The following PRKCZ variants were observed in gnomAD, a reference collection of about 807,000 sequenced individuals.
PRKCZ encodes the protein protein kinase C zeta type.
A neutral mutation model predicts 79.5 loss-of-function variants in PRKCZ; 33 were observed. That is an observed-to-expected ratio of 0.41 (90% CI 0.31 to 0.55). The LOEUF (loss-of-function observed/expected upper bound fraction) is 0.55. PRKCZ is among the 20% of genes least tolerant of loss of function. The pLI, the probability that PRKCZ is intolerant of heterozygous loss-of-function variation, is 0.19. For missense variants in PRKCZ, 578 were observed against 813.5 expected, an observed-to-expected ratio of 0.71 and a Z score of 3.52; for synonymous variants, 342 against 320.9, an observed-to-expected ratio of 1.07 and a Z score of -0.70.
chr1:2,112,662 G>A (rs574337969), intron 4 of PRKCZ, among the ~76,000 whole-genome samples: 3 of 123,792 alleles, frequency 2.4e-5, no homozygotes, highest in Admixed American at 8.2e-5. Context: ...TTGCAGTTCC[G>A]TTTTTTTGTT....
At chr1:2,088,069 G>A (rs920030909) in intron 4 of PRKCZ, among the ~76,000 whole-genome samples, 6 of 152,214 alleles carry the variant, frequency 3.9e-5, no homozygotes, top group African/African-American at 1.4e-4. Flanking sequence ...TCTGCTGTGT[G>A]GGTGGGGGCC....
Position 2,184,921 on chromosome 1 carries a change from G to C in PRKCZ, c.1692-1G>C. On this transcript the variant is annotated splice_acceptor_variant, in intron 17 of 17. Transcript: ENST00000378567. LOFTEE classifies it high-confidence loss of function. ...CTCCCCCCTGCCACCTTTGCCCACA[G>C]GGATGCCATAAAGAGGATCGACCAG... 6.2e-7 allele frequency: 1 copy of C among 1,613,550 alleles called. No homozygotes were observed. Among genetic ancestry groups the C allele is most frequent in the Non-Finnish European group, 8.5e-7 (1 of 1,179,748 alleles).
At chr1:2,065,543 G>A (rs936015624) in intron 4 of PRKCZ, among the ~76,000 whole-genome samples, 1 of 152,152 alleles carries the variant, frequency 6.6e-6, no homozygotes, top group African/African-American at 2.4e-5. Flanking sequence ...TCCGGGCGTG[G>A]TTGCAGGCGC....
chr1:2,164,951 G>A (rs1357419269), intron 10 of PRKCZ, among the ~76,000 whole-genome samples: 2 of 152,154 alleles, frequency 1.3e-5, no homozygotes, highest in Non-Finnish European at 2.9e-5. Flanking sequence ...GCTCCAGGAA[G>A]GTGAGGGGCT....
At chr1:2,103,907 C>G (rs1571395096) in intron 4 of PRKCZ, among the ~76,000 whole-genome samples, 1 of 152,214 alleles carries the variant, frequency 6.6e-6, no homozygotes, top group Non-Finnish European at 1.5e-5. Flanking sequence ...TTAAACACCT[C>G]CTGGCCTGGA....
chr1:2,085,326 C>T (rs1664299139), intron 4 of PRKCZ, among the ~76,000 whole-genome samples: 2 of 152,254 alleles, frequency 1.3e-5, no homozygotes, highest in South Asian at 4.1e-4. Flanking sequence ...GGCCCCGAGC[C>T]AGCAGCTTTG....
intron 4 of PRKCZ, among the ~76,000 whole-genome samples, chr1:2,106,349 C>T (rs1434381794): frequency 6.6e-6 from 1 of 152,264 alleles, no homozygotes; most frequent in African/African-American, 2.4e-5. Flanking sequence ...TCGTGCACAC[C>T]CTGCCTGGCT....
intron 4 of PRKCZ, among the ~76,000 whole-genome samples, chr1:2,121,790 G>A (rs1365628713): frequency 1.4e-5 from 1 of 72,352 alleles, no homozygotes; most frequent in African/African-American, 7.5e-5. Context: ...TGGTGGTTAG[G>A]GTCACGGCGG....
intron 15 of PRKCZ, 99 bp from the exon 16 acceptor site, chr1:2,175,125 G>A: frequency 9.7e-7 from 1 of 1,029,326 alleles, no homozygotes; most frequent in Non-Finnish European, 1.5e-6. Context: ...AGAGCATCGG[G>A]GGAGGGCTTG....
At chr1:2,085,568 C>G (rs1664346287) in intron 4 of PRKCZ, among the ~76,000 whole-genome samples, 1 of 152,254 alleles carries the variant, frequency 6.6e-6, no homozygotes, top group Non-Finnish European at 1.5e-5. Flanking sequence ...CCATGCAGCG[C>G]CACGCTGGAG....
intron 4 of PRKCZ, among the ~76,000 whole-genome samples, chr1:2,126,148 C>A (rs994514657): frequency 6.6e-6 from 1 of 152,236 alleles, no homozygotes; most frequent in Non-Finnish European, 1.5e-5. Flanking sequence ...TCTCCTCCCC[C>A]CGCCTGCACC....
chr1:2,087,002 C>T (rs943982603), intron 4 of PRKCZ, among the ~76,000 whole-genome samples: 1 of 152,140 alleles, frequency 6.6e-6, no homozygotes, highest in Non-Finnish European at 1.5e-5. Flanking sequence ...TGTTGTCTTT[C>T]GTGGGGTTAT....
chr1:2,112,666 T>TTTTG lies in PRKCZ; in HGVS notation c.335-22587_335-22584dup, dbSNP rs1302040202. Among the ~76,000 whole-genome samples, 12 of 95,662 alleles carry TTTTG rather than the reference T, an allele frequency of 1.3e-4. No individual in the cohort carries two copies. In the South Asian group the frequency reaches 3.1e-3, roughly 25 times the overall value. The allele number at this position is 95,662 out of a possible 152,430, so 62.8% of individuals were successfully genotyped here. ...ACTTGCTGGAGTTGCAGTTCCGTTT[T>TTTTG]TTTGTTTGTTTGGTTGGTTGGTTGG... is the stretch of plus-strand genomic sequence containing the variant. On this transcript the variant is annotated intron_variant, in intron 4 of 17. Transcript: ENST00000378567.
At chr1:2,166,099 G>T (rs1475991159) in intron 10 of PRKCZ, among the ~76,000 whole-genome samples, 3 of 152,146 alleles carry the variant, frequency 2.0e-5, no homozygotes, top group Non-Finnish European at 2.9e-5. Context: ...TTTTGCTGGC[G>T]TTCTTCACGT....
At chr1:2,160,238 C>CGTGTGTGTGT (rs56068331) in intron 10 of PRKCZ, among the ~76,000 whole-genome samples, 3,000 of 146,432 alleles carry the variant, frequency 0.02, 83 homozygotes, top group African/African-American at 0.056. Flanking sequence ...CAGCAGTGTG[C>CGTGTGTGTGT]GTGTGTGTGT....
chr1:2,113,517 A>T (rs1188035562), intron 4 of PRKCZ, among the ~76,000 whole-genome samples: 3 of 152,202 alleles, frequency 2.0e-5, no homozygotes, highest in Non-Finnish European at 4.4e-5. Flanking sequence ...GCACAGAGGC[A>T]GCATCCGATA....
At chr1:2,159,838 A>C (rs1325058588) in intron 10 of PRKCZ, among the ~76,000 whole-genome samples, 1 of 152,234 alleles carries the variant, frequency 6.6e-6, no homozygotes, top group Non-Finnish European at 1.5e-5. Flanking sequence ...TGAGCCATAA[A>C]GTCTCCAAAA....
Position 2,055,976 on chromosome 1 carries a change from C to T in PRKCZ, c.193+414C>T, listed in dbSNP as rs575195621. The T allele has an allele frequency of 9.0e-4, 168 of 186,954 alleles. 1 individual carries two copies. The highest frequency in any genetic ancestry group is 3.9e-3 in the African/African-American group (165 of 42,814). The allele number at this position is 186,954 out of a possible 1,614,324, so 11.6% of individuals were successfully genotyped here. A position where few individuals can be genotyped will look rare whatever the true frequency, so the allele number is the denominator to read the frequency against. ...GTGTCCACCTCCTGTCTCTTAGACACATCCTGAAAAACAAGGGGATTGGGA... is the reference window on the plus strand; with the variant it reads ...GTGTCCACCTCCTGTCTCTTAGACATATCCTGAAAAACAAGGGGATTGGGA... On this transcript the variant is annotated intron_variant, in intron 2 of 17. Coordinates refer to ENST00000378567, the MANE Select transcript of PRKCZ (RefSeq NM_002744.6).
At chr1:2,055,604 G>C in intron 2 of PRKCZ, 42 bp downstream of exon 2, 1 of 1,590,832 alleles carries the variant, frequency 6.3e-7, no homozygotes, top group Non-Finnish European at 8.6e-7. Flanking sequence ...CAGCCTCAGG[G>C]GACTTCGCCA....
Sources: allele counts gnomAD v4.1 joint callset (sites outside exome capture counted in the v4.1 genomes callset), GRCh38; gene constraint gnomAD v4.1.1; transcripts MANE v1.5; gene names NCBI Gene and HGNC (gene_info 2026-07-23, HGNC 2026-07-21).